The following SYTL5 variants were observed in gnomAD, a reference collection of about 807,000 sequenced individuals.
SYTL5 encodes the protein synaptotagmin like 5.
Under a neutral mutation model 55.9 loss-of-function variants are expected in SYTL5, and 34 were observed. That is an observed-to-expected ratio of 0.61 (90% CI 0.46 to 0.81). SYTL5 has a LOEUF of 0.81. Ranked by LOEUF, SYTL5 falls within the 30% of genes least tolerant of loss-of-function variation. SYTL5 has a pLI of 0.00. For missense variants in SYTL5, 637 were observed against 546.7 expected (o/e 1.17, Z -1.65); for synonymous variants, 221 against 188.7 (o/e 1.17, Z -1.40).
rs1365350146 is a variant in SYTL5, at chrX:38,127,560, T to G, written c.*830T>G. The G allele has an allele frequency of 8.9e-6, 1 of 112,170 alleles. No individual in the cohort carries two copies. Among genetic ancestry groups the G allele is most frequent in the Non-Finnish European group, 1.9e-5 (1 of 53,217 alleles). 9.2% of individuals were successfully genotyped at this position (112,170 alleles called of 1,213,427 possible). On this transcript the variant is annotated 3_prime_UTR_variant, in exon 17 of 17. Transcript: ENST00000297875. Reference sequence around the variant, plus strand: ...ACTAGTTTAATGAAAAAGGAGGTACTCTACCTGCTATTTTACTTCTGTTCC... The same window carrying G: ...ACTAGTTTAATGAAAAAGGAGGTACGCTACCTGCTATTTTACTTCTGTTCC...
intron 3 of SYTL5, among the ~76,000 whole-genome samples, chrX:38,066,148 T>C (rs1936095131): frequency 8.9e-6 from 1 of 111,749 alleles, no homozygotes; most frequent in African/African-American, 3.3e-5. Context: ...ATTGAATTAG[T>C]TTCCTTATGA....
intron 7 of SYTL5, among the ~76,000 whole-genome samples, chrX:38,091,021 C>T (rs1241059672): frequency 8.9e-6 from 1 of 112,068 alleles, no homozygotes; most frequent in African/African-American, 3.2e-5. Context: ...GTGCTGTGTG[C>T]AGTCAGCATT....
the SYTL5 span, among the ~76,000 whole-genome samples, chrX:37,912,655 C>A: frequency 8.9e-6 from 1 of 111,965 alleles, no homozygotes; most frequent in Non-Finnish European, 1.9e-5. Context: ...TACCAGCTAG[C>A]ATTTATTAAG....
At chrX:38,047,048 C>T (rs73632442) in intron 2 of SYTL5, among the ~76,000 whole-genome samples, 6,156 of 112,076 alleles carry the variant, frequency 0.055, 152 homozygotes, top group Middle Eastern at 0.11. Context: ...TACAGCCTCC[C>T]TCCTGGCTGC....
chrX:38,047,338 A>C (rs1935494025), intron 2 of SYTL5, among the ~76,000 whole-genome samples: 1 of 112,634 alleles, frequency 8.9e-6, no homozygotes, highest in African/African-American at 3.2e-5. Flanking sequence ...AGGTTCCCAA[A>C]CCCCAATTCT....
intron 3 of SYTL5, among the ~76,000 whole-genome samples, chrX:38,063,365 T>C (rs1182696369): frequency 8.9e-6 from 1 of 111,954 alleles, no homozygotes; most frequent in African/African-American, 3.2e-5. Flanking sequence ...TATATACAAG[T>C]GCCTCCACGC....
At chrX:37,912,342 C>A in the SYTL5 span, among the ~76,000 whole-genome samples, 1 of 112,214 alleles carries the variant, frequency 8.9e-6, no homozygotes, top group South Asian at 3.8e-4. Context: ...AAGATCTGAA[C>A]TGTATAATTA....
chrX:37,998,047 A>G, the SYTL5 span, among the ~76,000 whole-genome samples: 2 of 111,947 alleles, frequency 1.8e-5, no homozygotes, highest in East Asian at 5.7e-4. Context: ...TTCCCACTCC[A>G]AGGTCTCCTC....
At chrX:38,088,010 C>A (rs1418105251) in intron 6 of SYTL5, among the ~76,000 whole-genome samples, 2 of 111,317 alleles carry the variant, frequency 1.8e-5, no homozygotes, top group East Asian at 5.6e-4. Flanking sequence ...ACATATTTTA[C>A]AAGGATATTG....
At chrX:37,930,401 C>G in the SYTL5 span, among the ~76,000 whole-genome samples, 3 of 111,800 alleles carry the variant, frequency 2.7e-5, no homozygotes, top group Non-Finnish European at 5.6e-5. Flanking sequence ...GAAGCTATCT[C>G]TGAAGAGAGA....
At chrX:38,003,571 A>C (rs1436265685), upstream of SYTL5, among the ~76,000 whole-genome samples, 3 of 111,670 alleles carry the variant, frequency 2.7e-5, no homozygotes, top group Non-Finnish European at 3.8e-5. Context: ...TCAATGAAAT[A>C]AAAGAGGATA....
At chrX:38,123,939 C>A (rs781341165) in intron 15 of SYTL5, among the ~76,000 whole-genome samples, 2 of 111,398 alleles carry the variant, frequency 1.8e-5, no homozygotes, top group Non-Finnish European at 3.8e-5. Flanking sequence ...AACATTAGGT[C>A]GGTCTGTGAG....
chrX:37,957,135 T>A, the SYTL5 span, among the ~76,000 whole-genome samples: 1 of 111,819 alleles, frequency 8.9e-6, no homozygotes, highest in Admixed American at 9.5e-5. Context: ...TAAATTTGGT[T>A]GTTTTTCTGC....
chrX:37,990,717 C>A, the SYTL5 span: 2 of 1,028,429 alleles, frequency 1.9e-6, no homozygotes. Context: ...CAGCTAGCTC[C>A]CTGACCAATA....
At chrX:38,090,049 C>T (rs1189798778) in intron 7 of SYTL5, among the ~76,000 whole-genome samples, 2 of 112,175 alleles carry the variant, frequency 1.8e-5, no homozygotes, top group African/African-American at 6.5e-5. Context: ...CAGGACTGAA[C>T]CTCCTGCATC....
chrX:37,947,242 A>G, the SYTL5 span, among the ~76,000 whole-genome samples: 1 of 111,277 alleles, frequency 9.0e-6, no homozygotes, highest in African/African-American at 3.3e-5. Flanking sequence ...GACATTTCCT[A>G]TTTCCATCTG....
intron 15 of SYTL5, among the ~76,000 whole-genome samples, chrX:38,122,668 C>T (rs1472999224): frequency 8.9e-6 from 1 of 111,981 alleles, no homozygotes; most frequent in Non-Finnish European, 1.9e-5. Flanking sequence ...TATTCACTGT[C>T]GAGTGCTTTG....
chrX:37,952,953 G>A, the SYTL5 span, among the ~76,000 whole-genome samples: 10 of 110,375 alleles, frequency 9.1e-5, no homozygotes, highest in African/African-American at 3.3e-4. Context: ...GAATTTTATC[G>A]TCAAAACCAG....
intron 7 of SYTL5, among the ~76,000 whole-genome samples, chrX:38,092,715 G>A (rs1457131239): frequency 9.0e-6 from 1 of 110,943 alleles, no homozygotes; most frequent in Non-Finnish European, 1.9e-5. Context: ...CCTTACAGAC[G>A]CACCCAGAAT....
Sources: allele counts gnomAD v4.1 joint callset (sites outside exome capture counted in the v4.1 genomes callset), GRCh38; gene constraint gnomAD v4.1.1; transcripts MANE v1.5; gene names NCBI Gene and HGNC (gene_info 2026-07-23, HGNC 2026-07-21).